PRKG1: variants seen among roughly 807,000 people sequenced by gnomAD.
PRKG1 encodes the protein cGMP-dependent protein kinase 1.
PRKG1 carries 35 observed loss-of-function variants against 88.1 expected under a neutral mutation model. That is an observed-to-expected ratio of 0.40 (90% CI 0.30 to 0.53). The LOEUF is 0.53. Among genes scored for constraint, PRKG1 ranks in the 20% least tolerant of loss-of-function variants. PRKG1 has a pLI of 0.59. For synonymous variants in PRKG1, 303 were observed against 292.5 expected, an observed-to-expected ratio of 1.04 and a Z score of -0.37; for missense variants, 540 against 839.8, an observed-to-expected ratio of 0.64 and a Z score of 4.41.
At chr10:51,456,748 C>G (rs192031163) in intron 2 of PRKG1, among the ~76,000 whole-genome samples, 1 of 152,076 alleles carries the variant, frequency 6.6e-6, no homozygotes, top group African/African-American at 2.4e-5. Flanking sequence ...AAGTACAAAA[C>G]CAAATAATCC....
chr10:51,532,989 G>A (rs1183067946), intron 3 of PRKG1, among the ~76,000 whole-genome samples: 2 of 152,062 alleles, frequency 1.3e-5, no homozygotes, highest in African/African-American at 4.8e-5. Context: ...TATGAGCATA[G>A]AAAGAAAAGA....
At chr10:51,841,885 G>C (rs548884473) in intron 4 of PRKG1, among the ~76,000 whole-genome samples, 3 of 152,128 alleles carry the variant, frequency 2.0e-5, no homozygotes, top group African/African-American at 7.2e-5. Context: ...GTTTTACCAC[G>C]CTGGCCAGGC....
intron 2 of PRKG1, among the ~76,000 whole-genome samples, chr10:51,247,922 T>G (rs866374288): frequency 1.3e-5 from 2 of 151,966 alleles, no homozygotes; most frequent in African/African-American, 4.8e-5. Flanking sequence ...GCTTGGACTC[T>G]TTCTCAACTC....
chr10:52,152,294 A>C (rs747335841), intron 8 of PRKG1, among the ~76,000 whole-genome samples: 15 of 152,186 alleles, frequency 9.9e-5, no homozygotes, highest in Non-Finnish European at 1.8e-4. Context: ...CTAGTTCCTA[A>C]ATAGAGATAC....
intron 2 of PRKG1, among the ~76,000 whole-genome samples, chr10:51,209,634 A>C (rs1395554733): frequency 6.6e-6 from 1 of 152,122 alleles, no homozygotes; most frequent in Admixed American, 6.6e-5. Flanking sequence ...TTATTTTTGG[A>C]ATATTATTCT....
At chr10:50,996,275 TAAGGTGTCACTACTAGG>T (rs1338620872) in intron 1 of PRKG1, among the ~76,000 whole-genome samples, 1 of 152,186 alleles carries the variant, frequency 6.6e-6, no homozygotes, top group African/African-American at 2.4e-5. Context: ...GTCACCTGTC[TAAGGTGTCACTACTAGG>T]AAATGCCATA....
chr10:52,038,725 G>A (rs565134678), intron 5 of PRKG1, among the ~76,000 whole-genome samples: 5 of 152,258 alleles, frequency 3.3e-5, no homozygotes, highest in South Asian at 2.1e-4. Flanking sequence ...CCTTTGAAAC[G>A]TGGGTGAATA....
intron 1 of PRKG1, among the ~76,000 whole-genome samples, chr10:51,043,702 CT>C (rs1353056746): frequency 6.6e-6 from 1 of 151,994 alleles, no homozygotes; most frequent in African/African-American, 2.4e-5. Context: ...TATCTGTTTG[CT>C]TTTTTTTCTC....
chr10:51,181,444 T>G (rs1027470406), intron 2 of PRKG1, among the ~76,000 whole-genome samples: 1 of 150,948 alleles, frequency 6.6e-6, no homozygotes, highest in Admixed American at 6.6e-5. Context: ...GGTTTCACCT[T>G]GTTAGCCAGG....
chr10:51,299,975 C>A (rs547253181), intron 2 of PRKG1, among the ~76,000 whole-genome samples: 10 of 152,246 alleles, frequency 6.6e-5, no homozygotes, highest in African/African-American at 2.4e-4. Flanking sequence ...ATTTCTACCA[C>A]CTACACCTAC....
chr10:51,558,238 G>T (rs1156477883), intron 3 of PRKG1, among the ~76,000 whole-genome samples: 2 of 151,946 alleles, frequency 1.3e-5, no homozygotes, highest in African/African-American at 4.8e-5. Flanking sequence ...AATTGAAAGG[G>T]ATTTTATGTC....
intron 3 of PRKG1, among the ~76,000 whole-genome samples, chr10:51,750,630 A>C (rs1460805661): frequency 1.3e-5 from 2 of 152,210 alleles, no homozygotes; most frequent in Non-Finnish European, 2.9e-5. Flanking sequence ...TGTGAGAAGA[A>C]TCTCCATAGC....
At chr10:51,553,650 C>T (rs1837197213) in intron 3 of PRKG1, among the ~76,000 whole-genome samples, 1 of 151,128 alleles carries the variant, frequency 6.6e-6, no homozygotes, top group East Asian at 1.9e-4. Context: ...TATTTTGCCT[C>T]ACTGTGGTTT....
intron 4 of PRKG1, among the ~76,000 whole-genome samples, chr10:51,885,253 T>C (rs569765267): frequency 1.1e-4 from 16 of 152,348 alleles, no homozygotes; most frequent in Middle Eastern, 6.8e-3. Context: ...ACATAACCAC[T>C]CACAAGTTAG....
chr10:51,896,698 A>C (rs1442744975), intron 4 of PRKG1, among the ~76,000 whole-genome samples: 1 of 150,292 alleles, frequency 6.7e-6, no homozygotes, highest in East Asian at 1.9e-4. Flanking sequence ...CAGAGAGGTT[A>C]CATAACTGGC....
chr10:51,374,585 C>A (rs12763131), intron 2 of PRKG1, among the ~76,000 whole-genome samples: 59,894 of 151,306 alleles, frequency 0.4, 12,628 homozygotes, highest in South Asian at 0.55. Context: ...TCTTTTTTGC[C>A]CCTTCACCTT....
intron 3 of PRKG1, among the ~76,000 whole-genome samples, chr10:51,622,956 G>A (rs1380709208): frequency 6.6e-6 from 1 of 152,202 alleles, no homozygotes; most frequent in Non-Finnish European, 1.5e-5. Context: ...ATGAGACAGA[G>A]TCACATGATT....
At chr10:51,009,976 G>A (rs1842975831) in intron 1 of PRKG1, among the ~76,000 whole-genome samples, 2 of 152,156 alleles carry the variant, frequency 1.3e-5, no homozygotes, top group Admixed American at 1.3e-4. Flanking sequence ...TATTGTAAAA[G>A]ATCTCAGGTA....
At chr10:51,264,742 T>A (rs1390147996) in intron 2 of PRKG1, among the ~76,000 whole-genome samples, 1 of 152,132 alleles carries the variant, frequency 6.6e-6, no homozygotes, top group Admixed American at 6.6e-5. Flanking sequence ...TTAAACAAAA[T>A]CAAAGAGAAC....
Sources: allele counts gnomAD v4.1 joint callset (sites outside exome capture counted in the v4.1 genomes callset), GRCh38; gene constraint gnomAD v4.1.1; transcripts MANE v1.5; gene names NCBI Gene and HGNC (gene_info 2026-07-23, HGNC 2026-07-21).